The following NIPAL2 variants were observed in gnomAD, a reference collection of about 807,000 sequenced individuals.
NIPAL2 encodes the protein NIPA-like protein 2.
NIPAL2 carries 43 observed loss-of-function variants against 48.9 expected under a neutral mutation model. The ratio of observed to expected loss-of-function variants is 0.88; its 90% CI spans 0.69 to 1.13. The LOEUF (loss-of-function observed/expected upper bound fraction) is 1.13, where lower values mean the gene tolerates loss of function less well. NIPAL2 is among the 50% of genes most tolerant of loss of function. The probability of loss-of-function intolerance (pLI) is 0.00; values close to 1 mark genes in which losing one functional copy is unlikely to be tolerated. For synonymous variants in NIPAL2, 167 were observed against 174.6 expected (o/e 0.96, Z 0.34); for missense variants, 446 against 461.4 (o/e 0.97, Z 0.31).
intron 1 of NIPAL2, among the ~76,000 whole-genome samples, chr8:98,262,661 C>G (rs1383008199): frequency 2.6e-5 from 4 of 151,040 alleles, no homozygotes; most frequent in Non-Finnish European, 5.9e-5. Flanking sequence ...GAGACTTAGA[C>G]TCCCACACAT....
chr8:98,259,069 CCTTTTTTT>C (rs1468120140), intron 1 of NIPAL2, among the ~76,000 whole-genome samples: 1,493 of 89,376 alleles, frequency 0.017, 66 homozygotes, highest in African/African-American at 0.065. Flanking sequence ...TTTAAATATT[CCTTTTTTT>C]TTTTTTTTTT....
intron 1 of NIPAL2, among the ~76,000 whole-genome samples, chr8:98,280,761 T>TATAGAGAGAGAGAG: frequency 6.7e-4 from 20 of 30,020 alleles, no homozygotes; most frequent in African/African-American, 9.1e-4. Flanking sequence ...TATATATATA[T>TATAGAGAGAGAGAG]AGAGAGAGAG....
intron 4 of NIPAL2, among the ~76,000 whole-genome samples, chr8:98,225,489 T>C (rs1812126389): frequency 6.6e-6 from 1 of 152,234 alleles, no homozygotes; most frequent in African/African-American, 2.4e-5. Flanking sequence ...GGAAACTTGT[T>C]AGTTTACCTT....
intron 3 of NIPAL2, among the ~76,000 whole-genome samples, chr8:98,250,431 T>G (rs1175207523): frequency 6.6e-6 from 1 of 152,158 alleles, no homozygotes; most frequent in Non-Finnish European, 1.5e-5. Flanking sequence ...GGGAAAATCC[T>G]CCATCACCAG....
chr8:98,194,131 G>A (rs1410413026), intron 10 of NIPAL2, among the ~76,000 whole-genome samples: 2 of 152,178 alleles, frequency 1.3e-5, no homozygotes, highest in Non-Finnish European at 2.9e-5. Context: ...GAGGGCGGGT[G>A]GACAGGGGAA....
At chr8:98,228,281 G>A (rs1246292095) in intron 4 of NIPAL2, among the ~76,000 whole-genome samples, 1 of 152,142 alleles carries the variant, frequency 6.6e-6, no homozygotes, top group Non-Finnish European at 1.5e-5. Context: ...CAGGGAGGAC[G>A]ATTGGTAGAG....
chr8:98,201,713 T>C (rs1810809558), intron 8 of NIPAL2, among the ~76,000 whole-genome samples: 1 of 152,246 alleles, frequency 6.6e-6, no homozygotes. Context: ...CCAATAATTC[T>C]AAGACACATC....
intron 5 of NIPAL2, among the ~76,000 whole-genome samples, chr8:98,215,876 C>T (rs1415523754): frequency 6.6e-6 from 1 of 152,116 alleles, no homozygotes; most frequent in Admixed American, 6.5e-5. Flanking sequence ...TTCAATTTGT[C>T]AAAGTAGTTA....
chr8:98,262,157 C>G (rs994415015), intron 1 of NIPAL2, among the ~76,000 whole-genome samples: 4 of 148,142 alleles, frequency 2.7e-5, no homozygotes, highest in Non-Finnish European at 6.0e-5. Context: ...ACAACCGGTA[C>G]CAGCCGCTGC....
intron 3 of NIPAL2, 109 bp from the exon 4 acceptor site, chr8:98,236,323 C>G (rs562906240): frequency 1.5e-6 from 1 of 664,396 alleles, no homozygotes; most frequent in East Asian, 3.1e-5. Flanking sequence ...TGAGCTATGT[C>G]CTGATCAGAG....
intron 4 of NIPAL2, among the ~76,000 whole-genome samples, chr8:98,225,473 G>A (rs1386946875): frequency 9.2e-5 from 14 of 152,112 alleles, no homozygotes; most frequent in Non-Finnish European, 1.6e-4. Context: ...ACAGATTTCT[G>A]ACTTAGGAAA....
At chr8:98,255,963 C>T (rs937451853) in intron 1 of NIPAL2, among the ~76,000 whole-genome samples, 2 of 151,840 alleles carry the variant, frequency 1.3e-5, no homozygotes, top group African/African-American at 4.8e-5. Flanking sequence ...GGATATGACA[C>T]CAAAGCATAG....
intron 4 of NIPAL2, among the ~76,000 whole-genome samples, chr8:98,235,867 TTAA>T (rs1289353357): frequency 2.0e-5 from 3 of 151,344 alleles, no homozygotes; most frequent in Non-Finnish European, 2.9e-5. Flanking sequence ...CTTCAACTGA[TTAA>T]TATTATAATC....
At chr8:98,200,830 T>G (rs1462736577) in intron 8 of NIPAL2, among the ~76,000 whole-genome samples, 1 of 152,202 alleles carries the variant, frequency 6.6e-6, no homozygotes, top group Admixed American at 6.5e-5. Context: ...GGTGTGAGAT[T>G]ATATCTCATT....
At chr8:98,241,750 T>C (rs896370676) in intron 3 of NIPAL2, among the ~76,000 whole-genome samples, 3 of 152,236 alleles carry the variant, frequency 2.0e-5, no homozygotes, top group Non-Finnish European at 4.4e-5. Context: ...ATTTATACAA[T>C]GATTATGACA....
At chr8:98,249,567 CAATT>C (rs892513896) in intron 3 of NIPAL2, among the ~76,000 whole-genome samples, 3 of 147,588 alleles carry the variant, frequency 2.0e-5, no homozygotes, top group African/African-American at 7.4e-5. Context: ...AACACATATT[CAATT>C]AATATATTAT....
chr8:98,232,827 G>T (rs371029162), intron 4 of NIPAL2, among the ~76,000 whole-genome samples: 24 of 152,268 alleles, frequency 1.6e-4, no homozygotes, highest in African/African-American at 5.3e-4. Flanking sequence ...CCTTGGGCAG[G>T]TTACTTAACC....
chr8:98,210,141 T>C (rs1017731348), intron 6 of NIPAL2, among the ~76,000 whole-genome samples: 3 of 152,108 alleles, frequency 2.0e-5, no homozygotes, highest in Non-Finnish European at 4.4e-5. Flanking sequence ...CATTAATTTT[T>C]GCCTTTTTAA....
intron 1 of NIPAL2, among the ~76,000 whole-genome samples, chr8:98,279,000 T>A (rs1815642197): frequency 6.6e-6 from 1 of 152,268 alleles, no homozygotes; most frequent in Non-Finnish European, 1.5e-5. Flanking sequence ...GCAAGAAACA[T>A]ATTGGTATAA....
Sources: allele counts gnomAD v4.1 joint callset (sites outside exome capture counted in the v4.1 genomes callset), GRCh38; gene constraint gnomAD v4.1.1; transcripts MANE v1.5; gene names NCBI Gene and HGNC (gene_info 2026-07-23, HGNC 2026-07-21).